CTTN: variants seen among roughly 807,000 people sequenced by gnomAD.
CTTN encodes cortactin.
Under a neutral mutation model 84.0 loss-of-function variants are expected in CTTN, and 28 were observed. That is an observed-to-expected ratio of 0.33 (90% CI 0.25 to 0.46). CTTN has a LOEUF of 0.46. Among genes scored for constraint, CTTN ranks in the 20% least tolerant of loss-of-function variants. CTTN has a pLI of 1.00. For missense variants in CTTN, 641 were observed against 723.8 expected (o/e 0.89, Z 1.31); for synonymous variants, 301 against 288.8 (o/e 1.04, Z -0.43).
Position 70,433,116 on chromosome 11 carries a change from A to G in CTTN, c.1282A>G (p.Lys428Glu). The G allele has an allele frequency of 6.2e-7, 1 of 1,613,440 alleles. No homozygotes were observed. Among genetic ancestry groups the G allele is most frequent in the Non-Finnish European group, 8.5e-7 (1 of 1,179,860 alleles). The change falls in exon 16 of 18, where the codon AAG (lysine) becomes GAG (glutamate). Residue 428 changes from lysine (K) to glutamate (E), a missense_variant. Physicochemically the swap from Lys to Glu is moderately conservative, Grantham distance 56 (BLOSUM62 1). Coordinates refer to ENST00000301843, the MANE Select transcript of CTTN (RefSeq NM_005231.4). Reference protein sequence around the residue: ...SPVYEDAASFKAELSYRGPVS... With the variant: ...SPVYEDAASFEAELSYRGPVS... ...CCTTCCCCAGGATGCGGCTTCCTTC[A>G]AGGCAGAGCTGAGCTACAGAGGCCC...
intron 14 of CTTN, among the ~76,000 whole-genome samples, chr11:70,429,854 TAC>T (rs1313288859): frequency 6.6e-6 from 1 of 152,102 alleles, no homozygotes; most frequent in Non-Finnish European, 1.5e-5. Context: ...GCCTGAGGCC[TAC>T]AGATGTGTGT....
rs1018736501 is a variant in CTTN, at chr11:70,435,952, G to A, written c.*790G>A. 4 of 1,435,526 alleles carry A rather than the reference G, an allele frequency of 2.8e-6. No homozygotes were observed. The highest frequency in any genetic ancestry group is 3.6e-6 in the Non-Finnish European group (4 of 1,102,508). 88.9% of individuals were successfully genotyped at this position (1,435,526 alleles called of 1,614,324 possible). ...ACAGTGCAGTTGAGGTCTGCGTCGG[G>A]CTTGGCTTTTCACAAAGGCTGATGT... On this transcript the variant is annotated 3_prime_UTR_variant, in exon 18 of 18. Transcript: ENST00000301843.
intron 12 of CTTN, among the ~76,000 whole-genome samples, chr11:70,424,018 G>A (rs1219565359): frequency 2.6e-5 from 4 of 152,268 alleles, no homozygotes; most frequent in South Asian, 2.1e-4. Flanking sequence ...GGGAGCAGTC[G>A]GGTGGATGTG....
Position 70,422,576 on chromosome 11 carries a change from A to G in CTTN, c.902-364A>G, listed in dbSNP as rs775793505. 4.5e-5 allele frequency: 59 copies of G among 1,307,890 alleles called. No homozygotes were observed. The Admixed American group carries it at 5.5e-4, about 12-fold the overall frequency. The allele number at this position is 1,307,890 out of a possible 1,614,324, so 81.0% of individuals were successfully genotyped here. A position where few individuals can be genotyped will look rare whatever the true frequency, so the allele number is the denominator to read the frequency against. Reference sequence around the variant, plus strand: ...AGAGCAGGCGCACAGGAAGCAGATGAGAATAAGCCCGTGCTGGTGCGGAAG... The same window carrying G: ...AGAGCAGGCGCACAGGAAGCAGATGGGAATAAGCCCGTGCTGGTGCGGAAG... On this transcript the variant is annotated intron_variant, in intron 11 of 17. Transcript: ENST00000301843.
At chr11:70,430,213 C>T (rs1025967599) in intron 14 of CTTN, among the ~76,000 whole-genome samples, 1 of 152,196 alleles carries the variant, frequency 6.6e-6, no homozygotes, top group Non-Finnish European at 1.5e-5. Flanking sequence ...GAGTGGACAC[C>T]TGGGGTTCAG....
chr11:70,428,041 C>T (rs2058317446), intron 13 of CTTN, among the ~76,000 whole-genome samples: 2 of 151,884 alleles, frequency 1.3e-5, no homozygotes, highest in South Asian at 2.1e-4. Flanking sequence ...AACGCTATTC[C>T]ATGAGAAAAC....
rs554897572 is a variant in CTTN, at chr11:70,431,366, G to A, written c.1266+86G>A. 522 of 1,408,662 alleles carry A rather than the reference G, an allele frequency of 3.7e-4. 2 individuals carry two copies. The South Asian group carries it at 5.6e-3, about 15-fold the overall frequency. 87.3% of individuals were successfully genotyped at this position (1,408,662 alleles called of 1,614,324 possible). A position where few individuals can be genotyped will look rare whatever the true frequency, so the allele number is the denominator to read the frequency against. On this transcript the variant is annotated intron_variant, in intron 15 of 17. Coordinates refer to ENST00000301843, the MANE Select transcript of CTTN (RefSeq NM_005231.4). ...TTGTGGAGTGGAGGAAGCCCTTGCA[G>A]GCAGGCAGTGTGGCGTGGGTGTAGA...
At chr11:70,431,838 G>A (rs532166090) in intron 15 of CTTN, among the ~76,000 whole-genome samples, 2 of 151,990 alleles carry the variant, frequency 1.3e-5, no homozygotes, top group Non-Finnish European at 2.9e-5. Context: ...TTACGGAGCC[G>A]CCTGCCGATG....
At chr11:70,421,109 T>G (rs1296786011) in intron 10 of CTTN, among the ~76,000 whole-genome samples, 1 of 152,192 alleles carries the variant, frequency 6.6e-6, no homozygotes, top group Non-Finnish European at 1.5e-5. Context: ...TGCAGCGCCC[T>G]CCGAATCTGC....
At chr11:70,413,504 A>T (rs913478479) in intron 5 of CTTN, among the ~76,000 whole-genome samples, 4 of 152,176 alleles carry the variant, frequency 2.6e-5, no homozygotes, top group Non-Finnish European at 4.4e-5. Context: ...GCTGAATCAC[A>T]CAAGCAGCTG....
Position 70,435,427 on chromosome 11 carries a change from T to C in CTTN, c.*265T>C, listed in dbSNP as rs1376580118. ...TAATTGGTTTTATGCATTGATGGTT[T>C]TTTTTTTCTTTTTTGCCAAATTGAC... On this transcript the variant is annotated 3_prime_UTR_variant, in exon 18 of 18. Transcript: ENST00000301843. The C allele has an allele frequency of 1.3e-6, 2 of 1,507,460 alleles. No individual in the cohort carries two copies. The highest frequency in any genetic ancestry group is 1.8e-6 in the Non-Finnish European group (2 of 1,139,552). The allele number at this position is 1,507,460 out of a possible 1,614,324, so 93.4% of individuals were successfully genotyped here. A position where few individuals can be genotyped will look rare whatever the true frequency, so the allele number is the denominator to read the frequency against.
chr11:70,416,591 CT>C (rs1180745523), intron 7 of CTTN: 2 of 166,874 alleles, frequency 1.2e-5, no homozygotes, highest in Non-Finnish European at 1.3e-5. Context: ...GCCACTACCC[CT>C]GGCTAGTTTT....
intron 6 of CTTN, among the ~76,000 whole-genome samples, chr11:70,415,056 A>T (rs1014106025): frequency 1.3e-5 from 2 of 152,148 alleles, no homozygotes; most frequent in African/African-American, 4.8e-5. Context: ...TGTTGCAGTC[A>T]TCCTAGGCCC....
Position 70,435,820 on chromosome 11 carries a change from G to A in CTTN, c.*658G>A. On this transcript the variant is annotated 3_prime_UTR_variant, in exon 18 of 18. Transcript: ENST00000301843. Reference sequence around the variant, plus strand: ...TCCTCATCTCTACCCATCCCCTGATGCCCAGGTCACCGGGAGGGCTGCTGG... The same window carrying A: ...TCCTCATCTCTACCCATCCCCTGATACCCAGGTCACCGGGAGGGCTGCTGG... 6.4e-7 allele frequency: 1 copy of A among 1,551,142 alleles called. No individual in the cohort carries two copies. Among genetic ancestry groups the A allele is most frequent in the South Asian group, 1.2e-5 (1 of 85,536 alleles).
At chr11:70,423,111 CGTG>C (rs532013179) in intron 12 of CTTN, 116 bp downstream of exon 12, 1,148 of 1,253,170 alleles carry the variant, frequency 9.2e-4, no homozygotes, top group African/African-American at 1.1e-3. Context: ...TGATTTCCGT[CGTG>C]GTGGTGGTGG....
intron 15 of CTTN, among the ~76,000 whole-genome samples, 190 bp from the exon 16 acceptor site, chr11:70,432,911 C>T (rs896541969): frequency 6.6e-6 from 1 of 152,164 alleles, no homozygotes; most frequent in African/African-American, 2.4e-5. Flanking sequence ...AAGGAAATGG[C>T]ATGTGGGCAC....
intron 15 of CTTN, 108 bp from the exon 16 acceptor site, chr11:70,432,993 G>T: frequency 1.7e-6 from 2 of 1,200,990 alleles, no homozygotes; most frequent in Non-Finnish European, 2.4e-6. Context: ...TCCTGGCTGG[G>T]ACTGAGAATT....
chr11:70,424,993 C>T (rs2058284954), intron 12 of CTTN, among the ~76,000 whole-genome samples: 1 of 152,032 alleles, frequency 6.6e-6, no homozygotes, highest in Non-Finnish European at 1.5e-5. Context: ...TGCATGTGTC[C>T]CCAGCGTCTT....
intron 14 of CTTN, among the ~76,000 whole-genome samples, chr11:70,430,663 C>A (rs934639253): frequency 6.6e-6 from 1 of 152,194 alleles, no homozygotes; most frequent in Middle Eastern, 3.2e-3. Context: ...TTATCCTACC[C>A]CAGTTCATCC....
Sources: gnomAD v4.1 joint callset for allele counts (sites outside exome capture counted in the v4.1 genomes callset) on GRCh38, gnomAD v4.1.1 for gene constraint, MANE v1.5 for transcripts, NCBI Gene and HGNC (gene_info 2026-07-23, HGNC 2026-07-21) for gene names.